Variants in COQ10B observed in about 807,000 individuals in gnomAD.
The protein encoded by COQ10B is coenzyme Q-binding protein COQ10 homolog B, mitochondrial.
In COQ10B, 12 loss-of-function variants were observed where a neutral mutation model predicts 27.6. That is an observed-to-expected ratio of 0.43 (90% CI 0.28 to 0.70). The LOEUF (loss-of-function observed/expected upper bound fraction) is 0.70. Ranked by LOEUF, COQ10B falls within the 30% of genes least tolerant of loss-of-function variation. The pLI is 0.17. For synonymous variants in COQ10B, 115 were observed against 103.0 expected (o/e 1.12, Z -0.71); for missense variants, 278 against 288.7 (o/e 0.96, Z 0.27).
At chr2:197,467,769 G>A (rs2085840600) in intron 3 of COQ10B, among the ~76,000 whole-genome samples, 1 of 152,182 alleles carries the variant, frequency 6.6e-6, no homozygotes, top group South Asian at 2.1e-4. Context: ...AAGAACAGAA[G>A]CCATGTGACA....
In COQ10B at chr2:197,473,883, A is replaced by G; in HGVS notation, c.676A>G (p.Ile226Val). 4 of 1,589,694 alleles carry G rather than the reference A, an allele frequency of 2.5e-6. No individual in the cohort carries two copies. Among genetic ancestry groups the G allele is most frequent in the South Asian group, 1.1e-5 (1 of 87,182 alleles). The change falls in exon 5 of 5, where the codon ATA (isoleucine) becomes GTA (valine). Residue 226 changes from isoleucine (I) to valine (V), a missense_variant. This residue lies in a region of COQ10B where 83 missense variants were observed against 104.5 expected (regional missense o/e 0.79). Coordinates refer to ENST00000263960, the MANE Select transcript of COQ10B (RefSeq NM_025147.5). ...TAAGCTGTATGGTCCAGAAACAAAT[A>G]TACCTCGGGAGTTAATGCTTCATGA... ...ACKLYGPETN[I>V]PRELMLHEVH...
At chr2:197,469,972 A>G in intron 3 of COQ10B, 98 bp from the exon 4 acceptor site, 1 of 686,096 alleles carries the variant, frequency 1.5e-6, no homozygotes, top group Non-Finnish European at 2.5e-6. Context: ...AAAAATTATT[A>G]CTTATGAAAG....
intron 4 of COQ10B, among the ~76,000 whole-genome samples, chr2:197,471,171 G>A (rs771615896): frequency 6.6e-5 from 10 of 151,866 alleles, no homozygotes; most frequent in East Asian, 3.9e-4. Flanking sequence ...GAGATGGGGC[G>A]CTACTTTGTC....
intron 3 of COQ10B, among the ~76,000 whole-genome samples, chr2:197,465,819 C>CT (rs1221362993): frequency 6.6e-6 from 1 of 152,106 alleles, no homozygotes; most frequent in Non-Finnish European, 1.5e-5. Context: ...GATGTGGTGG[C>CT]TAACACCTGT....
At position 197,467,497 on chromosome 2, in the gene COQ10B, C is replaced by G. The variant is rs891679647; in HGVS notation, c.448-2573C>G. ...GGTTCAAGCGATTCTCCTGCCTCAG[C>G]CTCCTGTGTAGCTGGGATTAAAGGC... On this transcript the variant is annotated intron_variant, in intron 3 of 4. Transcript: ENST00000263960. 2.6e-5 allele frequency among the ~76,000 whole-genome samples: 4 copies of G among 152,272 alleles called. No homozygotes were observed. The South Asian group carries it at 8.3e-4, about 32-fold the overall frequency.
chr2:197,463,636 A>G (rs575116371), intron 3 of COQ10B, among the ~76,000 whole-genome samples: 45 of 150,384 alleles, frequency 3.0e-4, no homozygotes, highest in African/African-American at 1.1e-3. Flanking sequence ...ATGAAAAGAA[A>G]AAATATAAAA....
intron 2 of COQ10B, among the ~76,000 whole-genome samples, chr2:197,462,316 G>A (rs530124100): frequency 1.3e-5 from 2 of 151,778 alleles, no homozygotes; most frequent in Non-Finnish European, 2.9e-5. Context: ...CAACCTGTGA[G>A]ATGCCAAATT....
Position 197,474,087 on chromosome 2 carries a change from G to A in COQ10B, c.*163G>A, listed in dbSNP as rs577735170. 1.4e-5 allele frequency: 6 copies of A among 415,234 alleles called. No individual in the cohort carries two copies. The South Asian group carries it at 3.1e-4, about 22-fold the overall frequency. The allele number at this position is 415,234 out of a possible 1,614,324, so 25.7% of individuals were successfully genotyped here. A position where few individuals can be genotyped will look rare whatever the true frequency, so the allele number is the denominator to read the frequency against. On this transcript the variant is annotated 3_prime_UTR_variant, in exon 5 of 5. Coordinates refer to ENST00000263960, the MANE Select transcript of COQ10B (RefSeq NM_025147.5). ...TTGCACATAGAATATAGACTCACTTGTACATAGAATTATTTCTTCAAGTAT... is the reference window on the plus strand; with the variant it reads ...TTGCACATAGAATATAGACTCACTTATACATAGAATTATTTCTTCAAGTAT...
At chr2:197,453,785 G>C (rs1269857348) in intron 1 of COQ10B, 121 bp downstream of exon 1, 23 of 1,057,240 alleles carry the variant, frequency 2.2e-5, no homozygotes, top group Non-Finnish European at 2.8e-5. Context: ...TGTCTTTAGA[G>C]GAGAAGGCTT....
intron 3 of COQ10B, among the ~76,000 whole-genome samples, chr2:197,469,591 A>G (rs1281392613): frequency 6.6e-6 from 1 of 152,242 alleles, no homozygotes; most frequent in Non-Finnish European, 1.5e-5. Flanking sequence ...GAAAGACTAT[A>G]CGTGATTAAT....
In COQ10B at chr2:197,453,639, G is replaced by A; in HGVS notation, c.79G>A (p.Ala27Thr). 1 of 1,614,020 alleles carries A rather than the reference G, an allele frequency of 6.2e-7. No homozygotes were observed. Among genetic ancestry groups the A allele is most frequent in the Non-Finnish European group, 8.5e-7 (1 of 1,179,958 alleles). ...TCCGAAGTCGGCGACAGCGGCCGGGGCGCAGGCGCCCGTGCGGAATGGCAG... is the reference window on the plus strand; with the variant it reads ...TCCGAAGTCGGCGACAGCGGCCGGGACGCAGGCGCCCGTGCGGAATGGCAG... ...CRPKSATAAG[A>T]QAPVRNGRYL... The change falls in exon 1 of 5, where the codon GCG (alanine) becomes ACG (threonine). Residue 27 changes from alanine to threonine, a missense_variant. Physicochemically the swap from Ala to Thr is moderately conservative, Grantham distance 58. Around this residue, in one of 3 missense-constraint regions of COQ10B, gnomAD observed 183 missense variants for 158.2 expected, o/e 1.16. Transcript: ENST00000263960.
chr2:197,460,273 C>T (rs2085743401), intron 2 of COQ10B, among the ~76,000 whole-genome samples, 192 bp downstream of exon 2: 1 of 149,334 alleles, frequency 6.7e-6, no homozygotes, highest in South Asian at 2.1e-4. Flanking sequence ...GCAATCTTGG[C>T]TCACTGTAAC....
intron 3 of COQ10B, among the ~76,000 whole-genome samples, chr2:197,466,143 CTT>C (rs1267619479): frequency 6.6e-6 from 1 of 152,150 alleles, no homozygotes; most frequent in Non-Finnish European, 1.5e-5. Context: ...AAGTAAATCT[CTT>C]TATCATTGCA....
At chr2:197,471,204 G>A (rs2085873515) in intron 4 of COQ10B, among the ~76,000 whole-genome samples, 1 of 152,052 alleles carries the variant, frequency 6.6e-6, no homozygotes, top group Admixed American at 6.6e-5. Flanking sequence ...GTGCAGTGCT[G>A]TGATATTGAC....
chr2:197,453,895 C>T (rs2085666001), intron 1 of COQ10B: 1 of 1,468,816 alleles, frequency 6.8e-7, no homozygotes, highest in African/African-American at 1.4e-5. Context: ...GGCGGTGAAT[C>T]ATCGGCGAAG....
intron 2 of COQ10B, among the ~76,000 whole-genome samples, chr2:197,460,857 C>T (rs1486608101): frequency 6.6e-6 from 1 of 152,178 alleles, no homozygotes; most frequent in Non-Finnish European, 1.5e-5. Flanking sequence ...CGGGTGTGGC[C>T]ACATTCCAGT....
chr2:197,471,296 C>T (rs1174419258), intron 4 of COQ10B, among the ~76,000 whole-genome samples: 1 of 151,954 alleles, frequency 6.6e-6, no homozygotes, highest in Non-Finnish European at 1.5e-5. Flanking sequence ...GAATGCACCA[C>T]CACACAGGCT....
chr2:197,458,927 G>A (rs1172026824), intron 1 of COQ10B, among the ~76,000 whole-genome samples: 1 of 151,952 alleles, frequency 6.6e-6, no homozygotes, highest in African/African-American at 2.4e-5. Context: ...TGATCCACCC[G>A]CCTCGGCCTC....
At chr2:197,467,503 G>T (rs1015783579) in intron 3 of COQ10B, among the ~76,000 whole-genome samples, 1 of 152,112 alleles carries the variant, frequency 6.6e-6, no homozygotes, top group African/African-American at 2.4e-5. Flanking sequence ...TCAGCCTCCT[G>T]TGTAGCTGGG....
Sources: allele counts gnomAD v4.1 joint callset (sites outside exome capture counted in the v4.1 genomes callset), GRCh38; gene constraint gnomAD v4.1.1; regional missense constraint gnomAD v4.1.1; transcripts MANE v1.5; gene names NCBI Gene and HGNC (gene_info 2026-07-23, HGNC 2026-07-21).